SPG11: variants seen among roughly 807,000 people sequenced by gnomAD.
SPG11 encodes SPG11 vesicle trafficking associated, spatacsin, also known as spatacsin.
Under a neutral mutation model 274.0 loss-of-function variants are expected in SPG11, and 222 were observed. The ratio of observed to expected loss-of-function variants is 0.81; its 90% confidence interval spans 0.73 to 0.91. SPG11 has a LOEUF of 0.91. Among genes scored for constraint, SPG11 ranks in the 40% least tolerant of loss-of-function variants. SPG11 has a pLI of 0.00. For synonymous variants in SPG11, 1,144 were observed against 1,039.7 expected (o/e 1.10, Z -1.93); for missense variants, 3,114 against 2,872.7 (o/e 1.08, Z -1.92).
intron 15 of SPG11, among the ~76,000 whole-genome samples, chr15:44,619,373 G>C (rs539669729): frequency 1.3e-5 from 2 of 152,182 alleles, no homozygotes; most frequent in Non-Finnish European, 2.9e-5. Context: ...TTGATATTCA[G>C]TCATTTTTGA....
At chr15:44,651,268 C>T (rs986712533) in intron 6 of SPG11, among the ~76,000 whole-genome samples, 1 of 152,178 alleles carries the variant, frequency 6.6e-6, no homozygotes, top group African/African-American at 2.4e-5. Context: ...AACTTCATTT[C>T]TCTCAAACTT....
chr15:44,642,379 GA>G (rs988586544), intron 7 of SPG11, among the ~76,000 whole-genome samples: 6 of 89,052 alleles, frequency 6.7e-5, no homozygotes, highest in Admixed American at 1.1e-4. Flanking sequence ...AAAAAAAAAA[GA>G]AAAAAAAAAG....
At chr15:44,598,473 T>A in intron 22 of SPG11, 100 bp from the exon 23 acceptor site, 1 of 1,293,532 alleles carries the variant, frequency 7.7e-7, no homozygotes, top group Non-Finnish European at 1.1e-6. Context: ...CAGAACCCAA[T>A]TAAAGTGCCC....
At chr15:44,658,681 G>A (rs991356980) in intron 3 of SPG11, among the ~76,000 whole-genome samples, 24 of 151,908 alleles carry the variant, frequency 1.6e-4, no homozygotes, top group African/African-American at 4.8e-4. Context: ...GGCTGGTCTC[G>A]AACTCCTGAC....
intron 22 of SPG11, 74 bp downstream of exon 22, chr15:44,598,557 A>G (rs1051302130): frequency 6.9e-7 from 1 of 1,446,228 alleles, no homozygotes; most frequent in African/African-American, 1.4e-5. Context: ...TTCTCCCCAA[A>G]CACTCACAAT....
rs748818560 is a variant in SPG11, at chr15:44,651,858, G to A, written c.1089C>T (p.Phe363=). The change falls in exon 6 of 40, where the codon TTC becomes TTT. Residue 363 remains phenylalanine (F), a synonymous_variant. Coordinates refer to ENST00000261866, the MANE Select transcript of SPG11 (RefSeq NM_025137.4). ...GTGACTCCAAATGCAAAATATCCTG[G>A]AACCATGGAGCACAACAGGAAACCT... ...KLEVSCCAPW[F]QDILHLESPE... is the part of the protein sequence containing the mutation. 1 of 1,613,800 alleles carries A rather than the reference G, an allele frequency of 6.2e-7. No homozygotes were observed. The highest frequency in any genetic ancestry group is 8.5e-7 in the Non-Finnish European group (1 of 1,179,850).
Position 44,636,074 on chromosome 15 carries a change from A to T in SPG11, c.1603-2437T>A, listed in dbSNP as rs532231260. 9.9e-5 allele frequency among the ~76,000 whole-genome samples: 15 copies of T among 152,220 alleles called. No individual in the cohort carries two copies. In the South Asian group the frequency reaches 3.1e-3, roughly 32 times the overall value. The stretch of plus-strand genomic sequence containing the variant: ...GAGGGGCCTGACAATTTGCATTTCT[A>T]ATCTACAGGTCATGGTGAGCTGCTG... On this transcript the variant is annotated intron_variant, in intron 7 of 39. Transcript: ENST00000261866.
At chr15:44,575,256 G>A (rs2082510570) in intron 30 of SPG11, 1 of 569,356 alleles carries the variant, frequency 1.8e-6, no homozygotes, top group South Asian at 2.1e-5. Context: ...GACCTCATAT[G>A]CTACAAAGAT....
chr15:44,568,816 T>C (rs2082358354), intron 35 of SPG11, among the ~76,000 whole-genome samples: 1 of 152,134 alleles, frequency 6.6e-6, no homozygotes. Context: ...AGAGAAGGCA[T>C]TTAAGACAGT....
intron 4 of SPG11, 123 bp from the exon 5 acceptor site, chr15:44,652,389 A>G (rs1445620553): frequency 2.0e-6 from 2 of 1,015,810 alleles, no homozygotes; most frequent in Non-Finnish European, 3.0e-6. Flanking sequence ...ATTCCGCAGA[A>G]AGGAACTCCT....
At chr15:44,648,806 G>A (rs1399299112) in intron 7 of SPG11, 60 bp downstream of exon 7, 26 of 1,553,466 alleles carry the variant, frequency 1.7e-5, no homozygotes, top group African/African-American at 1.1e-4. Flanking sequence ...ATCCTAAATC[G>A]AATAAAAGTA....
intron 8 of SPG11, 181 bp downstream of exon 8, chr15:44,633,324 C>CAACAAAAA (rs2084128992): frequency 9.5e-6 from 1 of 105,680 alleles, no homozygotes; most frequent in Non-Finnish European, 1.6e-5. Flanking sequence ...GACTCTGTCT[C>CAACAAAAA]AAAAAAAAAA....
intron 34 of SPG11, among the ~76,000 whole-genome samples, chr15:44,570,261 TA>T (rs2033472080): frequency 6.6e-6 from 1 of 152,166 alleles, no homozygotes; most frequent in African/African-American, 2.4e-5. Flanking sequence ...CTAGAAAAGT[TA>T]ACTGCCCTGA....
chr15:44,660,180 G>A (rs2085062356), intron 2 of SPG11, among the ~76,000 whole-genome samples: 1 of 152,070 alleles, frequency 6.6e-6, no homozygotes, highest in Non-Finnish European at 1.5e-5. Flanking sequence ...ATTTTGAAAT[G>A]TAATTAAATA....
chr15:44,640,212 A>AAAAAAC (rs1353728624), intron 7 of SPG11, among the ~76,000 whole-genome samples: 17 of 152,254 alleles, frequency 1.1e-4, no homozygotes, highest in Non-Finnish European at 2.4e-4. Context: ...TCCGTCTCAA[A>AAAAAAC]AAAAACAAAA....
chr15:44,567,618 A>G (rs2082337522), intron 35 of SPG11, 26 bp from the exon 36 acceptor site: 2 of 1,613,620 alleles, frequency 1.2e-6, no homozygotes, highest in East Asian at 4.5e-5. Flanking sequence ...GGGAAAAAGC[A>G]AGGTGTCAGT....
Position 44,630,978 on chromosome 15 carries a change from C to G in SPG11, c.1736-1590G>C, listed in dbSNP as rs569354508. ...TTCATTTTCTCAGTGAAAGCTAATA[C>G]TACATCAGTGGAAAAACAGCAGGTT... On this transcript the variant is annotated intron_variant, in intron 8 of 39. Coordinates refer to ENST00000261866, the MANE Select transcript of SPG11 (RefSeq NM_025137.4). Among the ~76,000 whole-genome samples, 22 of 152,260 alleles carry G rather than the reference C, an allele frequency of 1.4e-4. No homozygotes were observed. In the East Asian group the frequency reaches 2.3e-3, roughly 16 times the overall value.
intron 26 of SPG11, among the ~76,000 whole-genome samples, chr15:44,593,123 T>C (rs1161499289): frequency 1.3e-5 from 2 of 152,356 alleles, no homozygotes; most frequent in East Asian, 3.9e-4. Flanking sequence ...ATTTTCTGTC[T>C]ACTCTATACT....
At chr15:44,636,931 A>C (rs1224679183) in intron 7 of SPG11, among the ~76,000 whole-genome samples, 7 of 120,710 alleles carry the variant, frequency 5.8e-5, no homozygotes, top group South Asian at 2.8e-4. Flanking sequence ...ATCTCAAAAA[A>C]AAAAAAAAAA....
Sources: allele counts gnomAD v4.1 joint callset (sites outside exome capture counted in the v4.1 genomes callset), GRCh38; gene constraint gnomAD v4.1.1; transcripts MANE v1.5; gene names NCBI Gene and HGNC (gene_info 2026-07-23, HGNC 2026-07-21).